Variants in NEDD4 observed in about 807,000 individuals in gnomAD.
NEDD4 encodes NEDD4 E3 ubiquitin protein ligase, also known as E3 ubiquitin-protein ligase NEDD4.
Under a neutral mutation model 144.9 loss-of-function variants are expected in NEDD4, and 99 were observed. The ratio of observed to expected loss-of-function variants is 0.68; its 90% CI spans 0.58 to 0.81. The LOEUF (loss-of-function observed/expected upper bound fraction) is 0.81, where lower values mean the gene tolerates loss of function less well. Ranked by LOEUF, NEDD4 falls within the 30% of genes least tolerant of loss-of-function variation. The pLI is 0.00. For synonymous variants in NEDD4, 318 were observed against 350.6 expected (o/e 0.91, Z 1.04); for missense variants, 985 against 1,065.9 (o/e 0.92, Z 1.06).
At chr15:55,910,738 C>G (rs1337784344) in intron 5 of NEDD4, among the ~76,000 whole-genome samples, 2 of 152,124 alleles carry the variant, frequency 1.3e-5, no homozygotes, top group African/African-American at 4.8e-5. Flanking sequence ...AAACTTCATA[C>G]ATGATTTCTT....
intron 2 of NEDD4, among the ~76,000 whole-genome samples, chr15:55,955,792 A>T (rs1254601494): frequency 6.6e-6 from 1 of 151,252 alleles, no homozygotes; most frequent in Non-Finnish European, 1.5e-5. Flanking sequence ...ACACTTAAAA[A>T]CTACAAAAGG....
chr15:55,871,439 G>A (rs750520231), intron 7 of NEDD4, among the ~76,000 whole-genome samples: 5 of 152,114 alleles, frequency 3.3e-5, no homozygotes, highest in Admixed American at 2.6e-4. Context: ...AGATAAAGAC[G>A]CTAGAAAGCA....
chr15:55,868,442 G>A (rs935958159), intron 8 of NEDD4, among the ~76,000 whole-genome samples: 4 of 152,288 alleles, frequency 2.6e-5, no homozygotes, highest in South Asian at 2.1e-4. Flanking sequence ...CCCTCGTGTC[G>A]TGGTAGGCAC....
intron 5 of NEDD4, among the ~76,000 whole-genome samples, chr15:55,882,757 TGAAA>T (rs1431055571): frequency 2.6e-5 from 4 of 152,178 alleles, no homozygotes; most frequent in African/African-American, 7.2e-5. Flanking sequence ...CATGCAGCTC[TGAAA>T]GAAACTCCTT....
chr15:55,983,746 G>C (rs2037844997), intron 1 of NEDD4, among the ~76,000 whole-genome samples: 1 of 151,654 alleles, frequency 6.6e-6, no homozygotes, highest in African/African-American at 2.4e-5. Context: ...AAGTACCTGA[G>C]ACTACAGGTA....
chr15:55,874,102 G>A (rs1183929176), intron 5 of NEDD4, 94 bp from the exon 6 acceptor site: 3 of 672,166 alleles, frequency 4.5e-6, no homozygotes, highest in Non-Finnish European at 7.4e-6. Flanking sequence ...AGAAAATGTA[G>A]AGTTTTTTTT....
chr15:55,916,303 T>C (rs1257514263), intron 5 of NEDD4: 13 of 1,614,050 alleles, frequency 8.1e-6, no homozygotes, highest in Non-Finnish European at 1.0e-5. Flanking sequence ...GAACCTCCAC[T>C]TGTGATACTT....
intron 19 of NEDD4, among the ~76,000 whole-genome samples, chr15:55,840,996 C>A (rs942640231): frequency 6.7e-6 from 1 of 149,018 alleles, no homozygotes; most frequent in African/African-American, 2.5e-5. Flanking sequence ...TGCAATGACA[C>A]GGTCACAGCT....
chr15:55,936,263 T>C (rs1272097748), intron 4 of NEDD4, among the ~76,000 whole-genome samples: 1 of 152,160 alleles, frequency 6.6e-6, no homozygotes, highest in African/African-American at 2.4e-5. Context: ...CTGTTCACAC[T>C]GGTCCATACT....
intron 4 of NEDD4, among the ~76,000 whole-genome samples, chr15:55,932,172 A>G (rs1239264078): frequency 1.3e-5 from 2 of 152,170 alleles, no homozygotes; most frequent in Non-Finnish European, 2.9e-5. Context: ...ATAGTGAGTG[A>G]GTTGTAATAA....
intron 1 of NEDD4, among the ~76,000 whole-genome samples, chr15:55,980,222 T>C (rs113360985): frequency 0.018 from 2,685 of 152,328 alleles, 73 homozygotes; most frequent in African/African-American, 0.061. Flanking sequence ...CGTGAGCCAC[T>C]GCACCTGGCC....
intron 1 of NEDD4, among the ~76,000 whole-genome samples, chr15:55,971,211 T>A (rs1359579810): frequency 1.3e-5 from 2 of 152,110 alleles, no homozygotes; most frequent in Admixed American, 6.5e-5. Context: ...GAAGAAAGAA[T>A]TAGCGAGCTT....
chr15:55,947,063 C>T (rs1595867330), intron 4 of NEDD4, among the ~76,000 whole-genome samples: 3 of 152,148 alleles, frequency 2.0e-5, no homozygotes, highest in South Asian at 2.1e-4. Flanking sequence ...CAGGAAAGAT[C>T]TAAAATTGAC....
intron 5 of NEDD4, among the ~76,000 whole-genome samples, chr15:55,906,987 C>T (rs1231682598): frequency 1.3e-5 from 2 of 151,586 alleles, no homozygotes; most frequent in Non-Finnish European, 1.5e-5. Context: ...CCCAGCTGCT[C>T]GGGAGGCCAA....
chr15:55,840,041 T>A (rs183041082), intron 21 of NEDD4, among the ~76,000 whole-genome samples: 3,060 of 69,854 alleles, frequency 0.044, 154 homozygotes, highest in Middle Eastern at 0.075. Flanking sequence ...TATATATATA[T>A]AACATTCATC....
chr15:55,875,793 G>A (rs2034972344), intron 5 of NEDD4, among the ~76,000 whole-genome samples: 1 of 152,018 alleles, frequency 6.6e-6, no homozygotes, highest in South Asian at 2.1e-4. Context: ...GCAGTCTGAC[G>A]TATGTGTAAC....
intron 28 of NEDD4, 40 bp from the exon 29 acceptor site, chr15:55,830,039 C>T: frequency 7.1e-7 from 1 of 1,412,838 alleles, no homozygotes; most frequent in African/African-American, 1.4e-5. Context: ...AAGACACTGA[C>T]AAAGCAAGTA....
chr15:55,829,708 G>T lies in NEDD4; in HGVS notation c.*189C>A. 4 of 504,072 alleles carry T rather than the reference G, an allele frequency of 7.9e-6. No homozygotes were observed. Among genetic ancestry groups the T allele is most frequent in the Non-Finnish European group, 1.1e-5 (3 of 282,762 alleles). 31.2% of individuals were successfully genotyped at this position (504,072 alleles called of 1,614,324 possible). On this transcript the variant is annotated 3_prime_UTR_variant, in exon 29 of 29. Transcript: ENST00000435532. ...GACAGCATGAAACAACTGTGTAAAT[G>T]CAACACATTATTTAAAAGTGATTAA...
chr15:55,865,869 A>C (rs1209100515), intron 8 of NEDD4, among the ~76,000 whole-genome samples: 1 of 152,148 alleles, frequency 6.6e-6, no homozygotes, highest in African/African-American at 2.4e-5. Flanking sequence ...GAAGGTGACG[A>C]GTAGTGGAGT....
Sources: gnomAD v4.1 joint callset for allele counts (sites outside exome capture counted in the v4.1 genomes callset) on GRCh38, gnomAD v4.1.1 for gene constraint, MANE v1.5 for transcripts, NCBI Gene and HGNC (gene_info 2026-07-23, HGNC 2026-07-21) for gene names.